Variants in SYN3 observed in about 807,000 individuals in gnomAD.
The protein encoded by SYN3 is synapsin III.
In SYN3, 35 loss-of-function variants were observed where a neutral mutation model predicts 65.8. The ratio of observed to expected loss-of-function variants is 0.53; its 90% CI spans 0.41 to 0.70. The LOEUF is 0.70. Ranked by LOEUF, SYN3 falls within the 30% of genes least tolerant of loss-of-function variation. The pLI is 0.00. For missense variants in SYN3, 680 were observed against 749.0 expected (o/e 0.91, Z 1.08); for synonymous variants, 270 against 292.9 (o/e 0.92, Z 0.80).
Position 32,524,877 on chromosome 22 carries a change from C to T in SYN3, c.1318+3041G>A, listed in dbSNP as rs534625333. Among the ~76,000 whole-genome samples the T allele has an allele frequency of 1.2e-4, 18 of 152,204 alleles. No individual in the cohort carries two copies. The South Asian group carries it at 2.3e-3, about 19-fold the overall frequency. ...TACAAAAATTAGCTGGGCATGGTGGCGCGTGCCTGTAATCCCAGCTACTTG... is the reference window on the plus strand; with the variant it reads ...TACAAAAATTAGCTGGGCATGGTGGTGCGTGCCTGTAATCCCAGCTACTTG... On this transcript the variant is annotated intron_variant, in intron 12 of 13. Transcript: ENST00000358763.
intron 6 of SYN3, among the ~76,000 whole-genome samples, chr22:32,775,996 C>A (rs2045899027): frequency 6.6e-6 from 1 of 152,140 alleles, no homozygotes; most frequent in Non-Finnish European, 1.5e-5. Context: ...CTAGATCACC[C>A]AGGTGGGCCC....
At chr22:32,876,865 T>C (rs2048997388) in intron 4 of SYN3, among the ~76,000 whole-genome samples, 1 of 152,232 alleles carries the variant, frequency 6.6e-6, no homozygotes, top group Non-Finnish European at 1.5e-5. Flanking sequence ...TTTTGAAAAT[T>C]TCCATTTTCA....
chr22:32,807,346 T>G (rs1368988375), intron 6 of SYN3, among the ~76,000 whole-genome samples: 2 of 5,772 alleles, frequency 3.5e-4, no homozygotes, highest in Admixed American at 3.8e-3. Flanking sequence ...ATATAATATA[T>G]AAATATATAA....
At chr22:32,715,352 C>T (rs2061022707) in intron 6 of SYN3, among the ~76,000 whole-genome samples, 1 of 152,184 alleles carries the variant, frequency 6.6e-6, no homozygotes, top group Non-Finnish European at 1.5e-5. Context: ...ATGTATGGAA[C>T]CCTTTTGTCT....
chr22:32,782,794 G>A (rs978379343), intron 6 of SYN3, among the ~76,000 whole-genome samples: 2 of 152,248 alleles, frequency 1.3e-5, no homozygotes, highest in African/African-American at 2.4e-5. Flanking sequence ...TGGGATTACA[G>A]GCGTGAGCCA....
intron 6 of SYN3, among the ~76,000 whole-genome samples, chr22:32,813,486 TACACAC>T (rs130277): frequency 0.18 from 24,370 of 138,036 alleles, 2,214 homozygotes; most frequent in African/African-American, 0.23. Context: ...TCTGAAAAGA[TACACAC>T]ACACACACAC....
rs565580669 is a variant in SYN3 at position 32,734,346 on chromosome 22, G to T, written c.711+130569C>A. Among the ~76,000 whole-genome samples the T allele has an allele frequency of 2.2e-4, 33 of 152,330 alleles. No individual in the cohort carries two copies. In the East Asian group the frequency reaches 6.0e-3, roughly 28 times the overall value. ...ACCACCACCTTCATCTCCAGGTGCA[G>T]GGGGGAGAGAGTATGGGCAGCTGCT... is the stretch of plus-strand genomic sequence containing the variant. On this transcript the variant is annotated intron_variant, in intron 6 of 13. Coordinates refer to ENST00000358763, the MANE Select transcript of SYN3 (RefSeq NM_003490.4).
At chr22:32,991,675 C>T (rs553458990) in intron 2 of SYN3, among the ~76,000 whole-genome samples, 3 of 152,182 alleles carry the variant, frequency 2.0e-5, no homozygotes, top group East Asian at 1.9e-4. Context: ...CCTTCACTCA[C>T]GGACTGATTT....
chr22:32,560,807 A>G (rs2058576139), intron 7 of SYN3, among the ~76,000 whole-genome samples: 1 of 152,184 alleles, frequency 6.6e-6, no homozygotes, highest in Admixed American at 6.5e-5. Context: ...TAAAGCAAGG[A>G]CTGAAAAGCA....
intron 6 of SYN3, among the ~76,000 whole-genome samples, chr22:32,616,015 G>C (rs1470731879): frequency 6.6e-6 from 1 of 152,242 alleles, no homozygotes; most frequent in Admixed American, 6.5e-5. Context: ...GGCAGACGGA[G>C]CCTTCCTAGA....
At chr22:32,781,060 C>T (rs1180435944) in intron 6 of SYN3, among the ~76,000 whole-genome samples, 1 of 28,132 alleles carries the variant, frequency 3.6e-5, no homozygotes, top group Non-Finnish European at 9.6e-5. Flanking sequence ...TCCCTCCCTC[C>T]CTTCCTCCCT....
intron 4 of SYN3, among the ~76,000 whole-genome samples, chr22:32,907,784 A>G (rs1230544551): frequency 2.0e-5 from 3 of 152,178 alleles, no homozygotes; most frequent in Non-Finnish European, 4.4e-5. Flanking sequence ...TTCTTACCAT[A>G]CATGGCCCCA....
At chr22:32,878,431 C>T (rs2049036657) in intron 4 of SYN3, among the ~76,000 whole-genome samples, 1 of 152,162 alleles carries the variant, frequency 6.6e-6, no homozygotes, top group Non-Finnish European at 1.5e-5. Context: ...GCTTGAGACA[C>T]CTTAACAGAC....
At chr22:32,710,663 G>A (rs13054654) in intron 6 of SYN3, among the ~76,000 whole-genome samples, 6,027 of 132,210 alleles carry the variant, frequency 0.046, 206 homozygotes, top group Non-Finnish European at 0.061. Context: ...GAAAGAAAAA[G>A]AAAGAAAGTG....
At chr22:32,822,940 C>A (rs868116715) in intron 6 of SYN3, among the ~76,000 whole-genome samples, 39 of 115,312 alleles carry the variant, frequency 3.4e-4, no homozygotes, top group Non-Finnish European at 4.5e-4. Flanking sequence ...AAAAAAAAAA[C>A]AGAGAGAGAG....
At chr22:32,777,589 A>G (rs2045939901) in intron 6 of SYN3, among the ~76,000 whole-genome samples, 1 of 152,080 alleles carries the variant, frequency 6.6e-6, no homozygotes, top group Admixed American at 6.6e-5. Flanking sequence ...GAGCTTCCTG[A>G]GCTCCTGTGT....
chr22:32,961,036 T>A (rs1340943841), intron 3 of SYN3, among the ~76,000 whole-genome samples: 1 of 152,210 alleles, frequency 6.6e-6, no homozygotes, highest in African/African-American at 2.4e-5. Flanking sequence ...TTTGAGTTGT[T>A]CGGTCTAGAA....
chr22:32,939,922 A>G (rs1379784326), intron 3 of SYN3, among the ~76,000 whole-genome samples: 1 of 152,192 alleles, frequency 6.6e-6, no homozygotes, highest in African/African-American at 2.4e-5. Flanking sequence ...TTTAGAAGAT[A>G]CAGATGGAGA....
intron 6 of SYN3, among the ~76,000 whole-genome samples, chr22:32,647,447 T>TTTAC (rs1254910926): frequency 1.3e-5 from 2 of 149,932 alleles, no homozygotes; most frequent in African/African-American, 4.9e-5. Flanking sequence ...AGATTTTTCT[T>TTTAC]TTTCTTTTTT....
Sources: allele counts gnomAD v4.1 joint callset (sites outside exome capture counted in the v4.1 genomes callset), GRCh38; gene constraint gnomAD v4.1.1; transcripts MANE v1.5; gene names NCBI Gene and HGNC (gene_info 2026-07-23, HGNC 2026-07-21).